RORA: variants seen among roughly 807,000 people sequenced by gnomAD.
RORA encodes RAR related orphan receptor A, also known as nuclear receptor ROR-alpha.
Under a neutral mutation model 69.5 loss-of-function variants are expected in RORA, and 7 were observed. The observed-to-expected ratio is 0.10, with a 90% CI of 0.06 to 0.19. The LOEUF (loss-of-function observed/expected upper bound fraction) is 0.19, where lower values mean the gene tolerates loss of function less well. RORA is among the 10% of genes least tolerant of loss of function. The pLI, the probability that RORA is intolerant of heterozygous loss-of-function variation, is 1.00. For synonymous variants in RORA, 261 were observed against 240.8 expected (o/e 1.08, Z -0.78); for missense variants, 457 against 663.0 (o/e 0.69, Z 3.41).
chr15:60,624,730 T>C (rs2069526865), intron 2 of RORA, among the ~76,000 whole-genome samples: 1 of 152,024 alleles, frequency 6.6e-6, no homozygotes, highest in Non-Finnish European at 1.5e-5. Flanking sequence ...TCAGGCAATT[T>C]GGATAGAAAG....
intron 1 of RORA, among the ~76,000 whole-genome samples, chr15:60,714,290 C>A (rs1444717963): frequency 6.6e-6 from 1 of 151,936 alleles, no homozygotes; most frequent in Non-Finnish European, 1.5e-5. Flanking sequence ...AACTCCTGAC[C>A]CCAGGTGATC....
chr15:61,009,045 T>C (rs1375726449), intron 1 of RORA, among the ~76,000 whole-genome samples: 5 of 152,192 alleles, frequency 3.3e-5, no homozygotes, highest in African/African-American at 9.6e-5. Flanking sequence ...ACAGACACCT[T>C]GCCTACTGCT....
intron 2 of RORA, among the ~76,000 whole-genome samples, chr15:60,624,223 T>G (rs936611478): frequency 4.6e-5 from 7 of 151,934 alleles, no homozygotes; most frequent in African/African-American, 1.7e-4. Context: ...CCTTCCTTCT[T>G]TTTTTCTCTA....
chr15:60,905,511 T>A lies in RORA; in HGVS notation c.167-226825A>T, dbSNP rs1891511975. ...TCAATGGTTAATTAAGACACGAGTG[T>A]CATTGCTGAGCTCTTTTGTGTTTCA... On this transcript the variant is annotated intron_variant, in intron 1 of 10. Coordinates refer to ENST00000335670, the MANE Select transcript of RORA (RefSeq NM_134261.3). This position sits in a 1 kb window ranked among gnomAD's most constrained non-coding sequence, Gnocchi z 4.8. Among the ~76,000 whole-genome samples, 1 of 152,196 alleles carries A rather than the reference T, an allele frequency of 6.6e-6. No homozygotes were observed.
chr15:60,563,331 CTCT>C (rs1451788124), intron 2 of RORA, among the ~76,000 whole-genome samples: 1 of 152,170 alleles, frequency 6.6e-6, no homozygotes, highest in African/African-American at 2.4e-5. Context: ...CATGGAATTC[CTCT>C]TCTTGCACTT....
intron 1 of RORA, among the ~76,000 whole-genome samples, chr15:60,965,792 T>A (rs1893540003): frequency 6.6e-6 from 1 of 152,154 alleles, no homozygotes; most frequent in African/African-American, 2.4e-5. Context: ...TATGCCAACC[T>A]CTTTCTCTAC....
chr15:60,537,882 T>C lies in RORA; in HGVS notation c.197-6031A>G, dbSNP rs73420074. On this transcript the variant is annotated intron_variant, in intron 2 of 10. Coordinates refer to ENST00000335670, the MANE Select transcript of RORA (RefSeq NM_134261.3). The surrounding 1 kb of genome is among the most constrained non-coding windows in gnomAD (Gnocchi z 4.9). The stretch of plus-strand genomic sequence containing the variant: ...AGCCCTACTCCTTCAGTAAGCAGTC[T>C]CGCAGTCATTTTTGGCAAAAATAGT... 9.4e-3 allele frequency among the ~76,000 whole-genome samples: 1,430 copies of C among 152,342 alleles called. 26 individuals are homozygous for C. The highest frequency in any genetic ancestry group is 0.032 in the African/African-American group (1,348 of 41,568).
intron 1 of RORA, among the ~76,000 whole-genome samples, chr15:61,153,250 T>C (rs1596030891): frequency 1.3e-5 from 2 of 152,182 alleles, no homozygotes; most frequent in Admixed American, 1.3e-4. Context: ...CCTGCAGGAA[T>C]GGCAAGATGA....
In RORA at chr15:60,951,348, A is replaced by G. The variant is rs1489631214; in HGVS notation, c.167-272662T>C. On this transcript the variant is annotated intron_variant, in intron 1 of 10. Transcript: ENST00000335670. ...CACAAGAGAAAGCAGGAAAGATCCA[A>G]AATTGACACCCTAACATCACAATTA... 5.3e-3 allele frequency among the ~76,000 whole-genome samples: 701 copies of G among 132,940 alleles called. 5 individuals are homozygous for G. The highest frequency in any genetic ancestry group is 0.019 in the African/African-American group (665 of 34,804). The allele number at this position is 132,940 out of a possible 152,430, so 87.2% of individuals were successfully genotyped here. A position where few individuals can be genotyped will look rare whatever the true frequency, so the allele number is the denominator to read the frequency against.
intron 1 of RORA, among the ~76,000 whole-genome samples, chr15:61,158,720 T>C (rs2140881114): frequency 6.6e-6 from 1 of 152,208 alleles, no homozygotes; most frequent in East Asian, 1.9e-4. Flanking sequence ...GTCTGGATTG[T>C]TGCGGGAGCT....
intron 1 of RORA, among the ~76,000 whole-genome samples, chr15:61,192,535 C>G (rs763617836): frequency 2.6e-5 from 4 of 152,242 alleles, no homozygotes; most frequent in Non-Finnish European, 5.9e-5. Flanking sequence ...GCACTGGGCT[C>G]TGCCTCATCT....
At chr15:60,528,682 A>G (rs1428464603) in intron 3 of RORA, 1 of 152,250 alleles carries the variant, frequency 6.6e-6, no homozygotes, top group African/African-American at 2.4e-5. Flanking sequence ...CCAAGCCACC[A>G]AGAAGTCTGC....
intron 1 of RORA, chr15:60,686,620 G>C (rs1193148065): frequency 6.6e-6 from 1 of 152,196 alleles, no homozygotes; most frequent in Non-Finnish European, 1.5e-5. Context: ...GAATAATTCA[G>C]CTCAGGTAAA....
At chr15:60,661,529 C>T (rs2070304105) in intron 2 of RORA, among the ~76,000 whole-genome samples, 1 of 152,148 alleles carries the variant, frequency 6.6e-6, no homozygotes, top group Non-Finnish European at 1.5e-5. Flanking sequence ...TGGGGATTTT[C>T]CCAGGTAGAA....
intron 1 of RORA, among the ~76,000 whole-genome samples, chr15:60,717,786 T>TC (rs1170577380): frequency 2.8e-5 from 4 of 144,552 alleles, no homozygotes; most frequent in African/African-American, 1.0e-4. Flanking sequence ...TCTTTCTTTT[T>TC]TCTTTTTCTC....
At chr15:60,922,862 A>T (rs953142440) in intron 1 of RORA, among the ~76,000 whole-genome samples, 1 of 152,200 alleles carries the variant, frequency 6.6e-6, no homozygotes, top group Non-Finnish European at 1.5e-5. Context: ...TAAAGGAAAG[A>T]CCCTTTAACA....
intron 1 of RORA, among the ~76,000 whole-genome samples, chr15:60,997,921 A>G (rs1348239171): frequency 6.6e-6 from 1 of 152,206 alleles, no homozygotes; most frequent in Non-Finnish European, 1.5e-5. Flanking sequence ...TCAAAACATA[A>G]TACTCTTGTT....
At chr15:60,752,626 C>G (rs1309486752) in intron 1 of RORA, among the ~76,000 whole-genome samples, 1 of 150,220 alleles carries the variant, frequency 6.7e-6, no homozygotes. Context: ...CCCCCACCCC[C>G]ACCCGCCTCG....
chr15:61,209,814 A>C (rs1483644694), intron 1 of RORA, among the ~76,000 whole-genome samples: 1 of 152,246 alleles, frequency 6.6e-6, no homozygotes. Flanking sequence ...TGTGCATTAA[A>C]GTATGTGAGA....
Sources: gnomAD v4.1 joint callset for allele counts (sites outside exome capture counted in the v4.1 genomes callset) on GRCh38, gnomAD v4.1.1 for gene constraint, Gnocchi (gnomAD v3.1) non-coding constraint, MANE v1.5 for transcripts, NCBI Gene and HGNC (gene_info 2026-07-23, HGNC 2026-07-21) for gene names.